UBAC2: variants seen among roughly 807,000 people sequenced by gnomAD.
The protein encoded by UBAC2 is UBA domain containing 2, also known as ubiquitin-associated domain-containing protein 2.
Under a neutral mutation model 44.0 loss-of-function variants are expected in UBAC2, and 26 were observed. The observed-to-expected ratio is 0.59, with a 90% CI of 0.43 to 0.82. The LOEUF (loss-of-function observed/expected upper bound fraction) is 0.82, where lower values mean the gene tolerates loss of function less well. Among genes scored for constraint, UBAC2 ranks in the 40% least tolerant of loss-of-function variants. UBAC2 has a pLI of 0.00. For synonymous variants in UBAC2, 155 were observed against 154.3 expected, an observed-to-expected ratio of 1.00 and a Z score of -0.04; for missense variants, 329 against 419.4, an observed-to-expected ratio of 0.78 and a Z score of 1.88.
At chr13:99,349,130 C>A (rs966881198) in intron 7 of UBAC2, among the ~76,000 whole-genome samples, 2 of 152,170 alleles carry the variant, frequency 1.3e-5, no homozygotes, top group African/African-American at 4.8e-5. Context: ...CTTCAGACCT[C>A]CAGATCAATT....
chr13:99,228,694 G>C (rs558977953), intron 1 of UBAC2, among the ~76,000 whole-genome samples: 1 of 152,144 alleles, frequency 6.6e-6, no homozygotes, highest in Non-Finnish European at 1.5e-5. Context: ...GAAATGGCTC[G>C]AGAAAGGATT....
chr13:99,244,371 A>ATATATACACCCATATGCATGTGTG, intron 3 of UBAC2, 144 bp from the exon 4 acceptor site: 1 of 496,432 alleles, frequency 2.0e-6, no homozygotes, highest in Non-Finnish European at 3.5e-6. Flanking sequence ...AATTTCAAAT[A>ATATATACACCCATATGCATGTGTG]TATATACACA....
intron 7 of UBAC2, among the ~76,000 whole-genome samples, chr13:99,364,355 A>G (rs2045303930): frequency 6.7e-6 from 1 of 149,610 alleles, no homozygotes; most frequent in Non-Finnish European, 1.5e-5. Flanking sequence ...CTAATACAGC[A>G]CATCATACTA....
At chr13:99,218,175 C>T (rs925502870) in intron 1 of UBAC2, among the ~76,000 whole-genome samples, 2 of 152,074 alleles carry the variant, frequency 1.3e-5, no homozygotes, top group African/African-American at 4.8e-5. Context: ...CTAATTAGTA[C>T]TTTTAGTAAT....
intron 4 of UBAC2, chr13:99,255,182 T>C (rs369995186): frequency 3.1e-6 from 5 of 1,614,026 alleles, no homozygotes; most frequent in Non-Finnish European, 4.2e-6. Flanking sequence ...ATGATCCTTA[T>C]GGACTTCTCC....
Position 99,234,824 on chromosome 13 carries a change from G to C in UBAC2, c.32-3603G>C, listed in dbSNP as rs142475329. On this transcript the variant is annotated intron_variant, in intron 1 of 8. Transcript: ENST00000403766. ...CTACCTAGATGTCTCACAATAGTGT[G>C]CATTTTGATTAAATGACATACTTGG... 7.3e-4 allele frequency among the ~76,000 whole-genome samples: 111 copies of C among 152,306 alleles called. 2 individuals are homozygous for C. The highest frequency in any genetic ancestry group is 4.4e-5 in the Non-Finnish European group (3 of 68,016).
intron 7 of UBAC2, among the ~76,000 whole-genome samples, chr13:99,348,252 G>A (rs1175579319): frequency 3.9e-5 from 6 of 152,294 alleles, no homozygotes; most frequent in Non-Finnish European, 7.3e-5. Context: ...CGCCGCCTGC[G>A]CCTTCAAGAA....
At chr13:99,381,410 T>C (rs2045549643) in intron 8 of UBAC2, among the ~76,000 whole-genome samples, 1 of 152,260 alleles carries the variant, frequency 6.6e-6, no homozygotes, top group African/African-American at 2.4e-5. Context: ...TGGATTCGTT[T>C]GTGCTGGCTG....
At chr13:99,319,796 C>T (rs2044544725) in intron 6 of UBAC2, among the ~76,000 whole-genome samples, 1 of 152,184 alleles carries the variant, frequency 6.6e-6, no homozygotes, top group Non-Finnish European at 1.5e-5. Context: ...CCAGACTCCC[C>T]CAAGTCTAGG....
intron 6 of UBAC2, among the ~76,000 whole-genome samples, chr13:99,321,900 C>A (rs1430716879): frequency 6.6e-6 from 1 of 152,168 alleles, no homozygotes; most frequent in Non-Finnish European, 1.5e-5. Context: ...GTAGAGACTC[C>A]AGCTGCTGCC....
chr13:99,228,471 T>A (rs1190027649), intron 1 of UBAC2, among the ~76,000 whole-genome samples: 1 of 152,026 alleles, frequency 6.6e-6, no homozygotes, highest in Admixed American at 6.5e-5. Flanking sequence ...TTTTTGTATT[T>A]TTAGTAGTGA....
At position 99,340,354 on chromosome 13, in the gene UBAC2, AG is replaced by A; in HGVS notation, c.598del (p.Val200CysfsTer55). On this transcript the variant is annotated frameshift_variant, in exon 7 of 9. Transcript: ENST00000403766. LOFTEE classifies it high-confidence loss of function. ...SGLCYDSKMF[Q>X]VHQVLCIPSW... is the part of the protein sequence containing the mutation. ...CTGTGCTACGACAGCAAAATGTTCC[AG>A]GTGCATCAGGTGCTCTGCATCCCCA... The A allele has an allele frequency of 2.5e-6, 4 of 1,614,218 alleles. No individual in the cohort carries two copies. Among genetic ancestry groups the A allele is most frequent in the Non-Finnish European group, 3.4e-6 (4 of 1,180,028 alleles).
intron 4 of UBAC2, among the ~76,000 whole-genome samples, chr13:99,293,200 A>T (rs2138711916): frequency 6.6e-6 from 1 of 152,288 alleles, no homozygotes; most frequent in South Asian, 2.1e-4. Context: ...GGTATAGTGG[A>T]GGGAGGAGGC....
chr13:99,381,926 G>GT (rs1179777912), intron 8 of UBAC2, among the ~76,000 whole-genome samples: 1 of 152,212 alleles, frequency 6.6e-6, no homozygotes, highest in Non-Finnish European at 1.5e-5. Flanking sequence ...AAAGACAGCT[G>GT]TGGTCTAGGA....
intron 1 of UBAC2, among the ~76,000 whole-genome samples, chr13:99,210,174 A>G (rs1193920064): frequency 1.3e-5 from 2 of 152,140 alleles, no homozygotes; most frequent in African/African-American, 4.8e-5. Flanking sequence ...TTTTCTATAC[A>G]CTTATGTTCT....
At chr13:99,203,138 G>A (rs918201365) in intron 1 of UBAC2, among the ~76,000 whole-genome samples, 1 of 152,022 alleles carries the variant, frequency 6.6e-6, no homozygotes, top group Admixed American at 6.6e-5. Context: ...CCGAGTTCAA[G>A]CGATTCTCCC....
intron 8 of UBAC2, among the ~76,000 whole-genome samples, chr13:99,378,595 A>AT (rs2045512103): frequency 6.6e-6 from 1 of 152,204 alleles, no homozygotes. Flanking sequence ...TCGAAGGTAT[A>AT]TTTTTTACCT....
chr13:99,234,362 G>A (rs752555976), intron 1 of UBAC2: 7 of 321,604 alleles, frequency 2.2e-5, no homozygotes, highest in South Asian at 1.4e-4. Flanking sequence ...TAATTTTTTT[G>A]TATTTTTAGT....
intron 7 of UBAC2, among the ~76,000 whole-genome samples, chr13:99,363,336 T>C (rs2045290310): frequency 6.6e-6 from 1 of 152,236 alleles, no homozygotes; most frequent in Non-Finnish European, 1.5e-5. Flanking sequence ...TCAAGTAGTC[T>C]AGTCCCACCA....
Sources: gnomAD v4.1 joint callset for allele counts (sites outside exome capture counted in the v4.1 genomes callset) on GRCh38, gnomAD v4.1.1 for gene constraint, MANE v1.5 for transcripts, NCBI Gene and HGNC (gene_info 2026-07-23, HGNC 2026-07-21) for gene names.